PURG: variants seen among roughly 807,000 people sequenced by gnomAD.
PURG encodes purine-rich element-binding protein gamma.
A neutral mutation model predicts 24.3 loss-of-function variants in PURG; 3 were observed. That is an observed-to-expected ratio of 0.12 (90% CI 0.06 to 0.32). The LOEUF is 0.32. PURG is among the 10% of genes least tolerant of loss of function. PURG has a pLI of 1.00. For synonymous variants in PURG, 180 were observed against 173.1 expected, an observed-to-expected ratio of 1.04 and a Z score of -0.31; for missense variants, 371 against 439.1, an observed-to-expected ratio of 0.84 and a Z score of 1.39.
downstream of PURG, among the ~76,000 whole-genome samples, chr8:31,026,289 C>T (rs566993704): frequency 2.6e-5 from 4 of 151,664 alleles, no homozygotes; most frequent in South Asian, 2.1e-4. Flanking sequence ...TATCCTGGCA[C>T]TCCTGAAGTG....
At chr8:31,030,624 A>T (rs761024322), downstream of PURG, among the ~76,000 whole-genome samples, 23 of 151,916 alleles carry the variant, frequency 1.5e-4, no homozygotes, top group Non-Finnish European at 3.2e-4. Flanking sequence ...CTCAGACTGG[A>T]AATTTGTATT....
At chr8:30,998,990 AT>A (rs1810484061) in intron 1 of PURG, among the ~76,000 whole-genome samples, 2 of 151,842 alleles carry the variant, frequency 1.3e-5, no homozygotes, top group Non-Finnish European at 3.0e-5. Context: ...ATTTATTTTT[AT>A]TTTGTTTCTA....
At chr8:31,008,434 G>C (rs1444952298) in intron 1 of PURG, among the ~76,000 whole-genome samples, 1 of 152,120 alleles carries the variant, frequency 6.6e-6, no homozygotes. Context: ...CTCCCGAGTA[G>C]CTGGGATTAC....
intron 1 of PURG, among the ~76,000 whole-genome samples, chr8:31,009,387 C>T (rs992874263): frequency 2.4e-4 from 37 of 152,164 alleles, no homozygotes; most frequent in African/African-American, 8.0e-4. Flanking sequence ...GATCGTGCCA[C>T]TGCACTCTAG....
chr8:31,023,459 C>A (rs781545544), intron 1 of PURG, among the ~76,000 whole-genome samples: 2 of 151,360 alleles, frequency 1.3e-5, no homozygotes, highest in Admixed American at 6.6e-5. Flanking sequence ...CTGGCAGTGG[C>A]GGGGCACTGC....
chr8:31,033,053 A>C, intron 1 of PURG, 25 bp downstream of exon 1: 1 of 192,218 alleles, frequency 5.2e-6, no homozygotes, highest in Non-Finnish European at 1.0e-5. Context: ...CCGCGGCCCC[A>C]GGTCTCCAGC....
intron 1 of PURG, among the ~76,000 whole-genome samples, chr8:31,021,846 A>G (rs1474836607): frequency 6.6e-6 from 1 of 152,210 alleles, no homozygotes. Context: ...TCTAGTATAC[A>G]GTGGGTGGTC....
At chr8:30,998,285 C>T (rs1376003330) in intron 1 of PURG, among the ~76,000 whole-genome samples, 1 of 151,514 alleles carries the variant, frequency 6.6e-6, no homozygotes, top group Non-Finnish European at 1.5e-5. Context: ...TGTTAAGTTA[C>T]AATAGTTTTT....
intron 1 of PURG, among the ~76,000 whole-genome samples, chr8:31,019,200 T>G: frequency 7.7e-6 from 1 of 130,078 alleles, no homozygotes; most frequent in East Asian, 2.2e-4. Flanking sequence ...TATATGGCTT[T>G]AATTTTGATC....
downstream of PURG, among the ~76,000 whole-genome samples, chr8:31,030,161 G>A (rs533165023): frequency 1.3e-5 from 2 of 151,998 alleles, no homozygotes. Flanking sequence ...AACTCTGGAA[G>A]AAAAAAATCG....
At chr8:30,999,764 T>C (rs958660163) in intron 1 of PURG, among the ~76,000 whole-genome samples, 1 of 152,022 alleles carries the variant, frequency 6.6e-6, no homozygotes, top group African/African-American at 2.4e-5. Context: ...AGCACAAATA[T>C]AATCAAGGAG....
chr8:31,002,448 C>T (rs1351651248), intron 1 of PURG, among the ~76,000 whole-genome samples: 1 of 152,110 alleles, frequency 6.6e-6, no homozygotes, highest in Non-Finnish European at 1.5e-5. Context: ...CACCATTACT[C>T]CTTCTTTTGC....
At chr8:31,018,690 C>G (rs974555864) in intron 1 of PURG, among the ~76,000 whole-genome samples, 7 of 152,078 alleles carry the variant, frequency 4.6e-5, no homozygotes, top group Non-Finnish European at 1.0e-4. Context: ...GGAACTCATT[C>G]AGTGTTCTGG....
chr8:31,017,059 T>TG (rs1003996760), intron 1 of PURG, among the ~76,000 whole-genome samples: 2 of 152,180 alleles, frequency 1.3e-5, no homozygotes, highest in Non-Finnish European at 2.9e-5. Context: ...GTGAGTCACA[T>TG]GGTAGTTTGT....
chr8:31,028,004 A>AT (rs1811121754), downstream of PURG, among the ~76,000 whole-genome samples: 1 of 151,702 alleles, frequency 6.6e-6, no homozygotes, highest in Non-Finnish European at 1.5e-5. Context: ...CACACTTTTA[A>AT]TTTGAGTATA....
downstream of PURG, among the ~76,000 whole-genome samples, chr8:31,026,637 A>T (rs1381644505): frequency 1.6e-5 from 2 of 128,656 alleles, no homozygotes; most frequent in Non-Finnish European, 3.5e-5. Flanking sequence ...TTTTAAAAAG[A>T]ATATATATAT....
intron 1 of PURG, among the ~76,000 whole-genome samples, chr8:31,000,243 A>G (rs1810511723): frequency 6.6e-6 from 1 of 152,114 alleles, no homozygotes; most frequent in Admixed American, 6.6e-5. Context: ...TAATGACAAA[A>G]GGACAGTAGA....
intron 1 of PURG, among the ~76,000 whole-genome samples, chr8:31,018,108 T>G (rs1040815237): frequency 6.6e-6 from 1 of 152,218 alleles, no homozygotes; most frequent in African/African-American, 2.4e-5. Flanking sequence ...AAATTCTATT[T>G]AACTAGTCAT....
chr8:31,004,590 C>A (rs1041221908), intron 1 of PURG, among the ~76,000 whole-genome samples: 1 of 152,050 alleles, frequency 6.6e-6, no homozygotes, highest in Non-Finnish European at 1.5e-5. Flanking sequence ...TTGCTTGAAC[C>A]AGGGAGGCAG....
Sources: allele counts gnomAD v4.1 joint callset (sites outside exome capture counted in the v4.1 genomes callset), GRCh38; gene constraint gnomAD v4.1.1; transcripts MANE v1.5; gene names NCBI Gene and HGNC (gene_info 2026-07-23, HGNC 2026-07-21).